SMARCA2: variants seen among roughly 807,000 people sequenced by gnomAD.
SMARCA2 encodes SWI/SNF-related matrix-associated actin-dependent regulator of chromatin subfamily A member 2.
A neutral mutation model predicts 199.8 loss-of-function variants in SMARCA2; 61 were observed. The observed-to-expected ratio is 0.31, with a 90% CI of 0.25 to 0.38. The LOEUF (loss-of-function observed/expected upper bound fraction) is 0.38. SMARCA2 is among the 10% of genes least tolerant of loss of function. The pLI, the probability that SMARCA2 is intolerant of heterozygous loss-of-function variation, is 1.00. For synonymous variants in SMARCA2, 935 were observed against 732.0 expected (o/e 1.28, Z -4.48); for missense variants, 1,344 against 2,012.2 (o/e 0.67, Z 6.35).
intron 27 of SMARCA2, among the ~76,000 whole-genome samples, chr9:2,146,994 G>A (rs942287112): frequency 6.6e-6 from 1 of 152,146 alleles, no homozygotes; most frequent in Admixed American, 6.5e-5. Flanking sequence ...CAGCCCAGTA[G>A]GTTTCAGCTT....
intron 24 of SMARCA2, among the ~76,000 whole-genome samples, chr9:2,113,853 C>G (rs746908205): frequency 2.0e-5 from 3 of 152,174 alleles, no homozygotes; most frequent in Non-Finnish European, 2.9e-5. Flanking sequence ...ATCTACTACT[C>G]GCGGGCTCGG....
chr9:2,140,695 G>A (rs1168599182), intron 27 of SMARCA2, among the ~76,000 whole-genome samples: 1 of 152,152 alleles, frequency 6.6e-6, no homozygotes. Context: ...TCCAAGGTTG[G>A]AGAAGGAGCC....
intron 18 of SMARCA2, 45 bp from the exon 19 acceptor site, chr9:2,088,455 T>C (rs1821901605): frequency 6.5e-7 from 1 of 1,546,210 alleles, no homozygotes; most frequent in African/African-American, 1.4e-5. Flanking sequence ...GTATGAAACA[T>C]CCTTTTCTTT....
In SMARCA2 at chr9:2,120,693, T is replaced by C. The variant is rs536963204; in HGVS notation, c.3762+1158T>C. 2.7e-4 allele frequency among the ~76,000 whole-genome samples: 41 copies of C among 152,304 alleles called. 1 individual carries two copies. In the South Asian group the frequency reaches 8.3e-3, roughly 31 times the overall value. On this transcript the variant is annotated intron_variant, in intron 26 of 33. Transcript: ENST00000349721. ...ATTGATTGTATATAATGATCCACAATAAAATTTTCTTTCTCAGGAAAATTC... is the reference window on the plus strand; with the variant it reads ...ATTGATTGTATATAATGATCCACAACAAAATTTTCTTTCTCAGGAAAATTC...
intron 4 of SMARCA2, chr9:2,041,285 G>T (rs1456399344): frequency 1.0e-5 from 4 of 398,376 alleles, no homozygotes; most frequent in African/African-American, 8.2e-5. Flanking sequence ...TGTAATGAAA[G>T]GTCATTGACT....
At chr9:2,099,030 G>A (rs945471875) in intron 21 of SMARCA2, among the ~76,000 whole-genome samples, 2 of 152,070 alleles carry the variant, frequency 1.3e-5, no homozygotes, top group African/African-American at 2.4e-5. Context: ...TATCCACCAG[G>A]TCACTTTGTA....
intron 21 of SMARCA2, among the ~76,000 whole-genome samples, chr9:2,097,883 G>C (rs547772210): frequency 1.3e-5 from 2 of 152,326 alleles, no homozygotes; most frequent in East Asian, 3.9e-4. Flanking sequence ...CTTCTAAAGA[G>C]AAAGATTTTC....
At chr9:2,116,123 T>G in intron 25 of SMARCA2, 74 bp downstream of exon 25, 1 of 1,181,610 alleles carries the variant, frequency 8.5e-7, no homozygotes, top group Non-Finnish European at 1.2e-6. Flanking sequence ...AATAATCCCT[T>G]TGTTTAAAAA....
intron 27 of SMARCA2, among the ~76,000 whole-genome samples, chr9:2,152,301 C>T (rs1825119155): frequency 6.6e-6 from 1 of 152,220 alleles, no homozygotes. Flanking sequence ...CCTGTAATCC[C>T]AGCACTTTGG....
intron 27 of SMARCA2, among the ~76,000 whole-genome samples, chr9:2,128,989 G>A (rs1327631414): frequency 6.6e-6 from 1 of 152,176 alleles, no homozygotes; most frequent in Non-Finnish European, 1.5e-5. Flanking sequence ...GGGGTCCCGA[G>A]GCCCCCCACA....
chr9:2,080,455 A>C (rs935601138), intron 14 of SMARCA2, among the ~76,000 whole-genome samples: 2 of 152,240 alleles, frequency 1.3e-5, no homozygotes, highest in Non-Finnish European at 2.9e-5. Flanking sequence ...AAAAGCAGAA[A>C]CAAAAATTCA....
intron 9 of SMARCA2, among the ~76,000 whole-genome samples, chr9:2,064,964 C>T (rs918765040): frequency 6.6e-6 from 1 of 152,194 alleles, no homozygotes; most frequent in African/African-American, 2.4e-5. Flanking sequence ...GCGGGCGGAT[C>T]ACGAAGTCAG....
intron 29 of SMARCA2, among the ~76,000 whole-genome samples, chr9:2,173,690 C>T (rs577009399): frequency 4.0e-4 from 61 of 152,272 alleles, no homozygotes; most frequent in African/African-American, 1.4e-3. Flanking sequence ...TCTTCCAACT[C>T]TAGCCTTCCT....
At position 2,083,366 on chromosome 9, in the gene SMARCA2, T is replaced by A. The variant is rs1223505818; in HGVS notation, c.2368T>A (p.Tyr790Asn). ...VPLSTLSNWT[Y>N]EFDKWAPSVV... ...CCATAGGACTCTATCTAACTGGACA[T>A]ATGAATTTGACAAATGGGCTCCTTC... Residue 790 changes from tyrosine to asparagine, a missense_variant, in exon 16 of 34, where the codon TAT becomes AAT. Around this residue, in one of 18 missense-constraint regions of SMARCA2, gnomAD observed 50 missense variants for 81.6 expected, o/e 0.61. Transcript: ENST00000349721. 2 of 1,597,952 alleles carry A rather than the reference T, an allele frequency of 1.3e-6. No individual in the cohort carries two copies. Among genetic ancestry groups the A allele is most frequent in the African/African-American group, 2.7e-5 (2 of 74,408 alleles).
chr9:2,124,002 G>T, intron 27 of SMARCA2, 65 bp downstream of exon 27: 1 of 1,309,360 alleles, frequency 7.6e-7, no homozygotes, highest in South Asian at 1.3e-5. Context: ...GGAGAAACCA[G>T]GGGCCTAGAG....
At chr9:2,162,380 G>C (rs1184960737) in intron 28 of SMARCA2, among the ~76,000 whole-genome samples, 1 of 152,114 alleles carries the variant, frequency 6.6e-6, no homozygotes, top group Non-Finnish European at 1.5e-5. Context: ...TTGAATTTCT[G>C]AGCACTTGAA....
chr9:2,088,083 GTGTC>G (rs1187340929), intron 18 of SMARCA2, among the ~76,000 whole-genome samples: 4 of 152,180 alleles, frequency 2.6e-5, no homozygotes, highest in Non-Finnish European at 5.9e-5. Context: ...GTATGTTTCT[GTGTC>G]TGAGACAACC....
rs1823384514 is a variant in SMARCA2 at position 2,119,995 on chromosome 9, A to T, written c.3762+460A>T. ...CATTGGAACTTACAACAGTGCCCTT[A>T]CAGGATCAAAGCAACATGCTCCTTA... On this transcript the variant is annotated intron_variant, in intron 26 of 33. Coordinates refer to ENST00000349721, the MANE Select transcript of SMARCA2 (RefSeq NM_003070.5). The surrounding 1 kb of genome is among the most constrained non-coding windows in gnomAD (Gnocchi z 4.6). Among the ~76,000 whole-genome samples, 4 of 152,352 alleles carry T rather than the reference A, an allele frequency of 2.6e-5. No individual in the cohort carries two copies. In the South Asian group the frequency reaches 8.3e-4, roughly 32 times the overall value.
At chr9:2,079,234 A>G (rs1821459796) in intron 14 of SMARCA2, among the ~76,000 whole-genome samples, 2 of 152,236 alleles carry the variant, frequency 1.3e-5, no homozygotes, top group African/African-American at 4.8e-5. Flanking sequence ...AGCATCCTGC[A>G]GTAAAATCAC....
Sources: gnomAD v4.1 joint callset for allele counts (sites outside exome capture counted in the v4.1 genomes callset) on GRCh38, gnomAD v4.1.1 for gene constraint, gnomAD v4.1.1 regional missense constraint, Gnocchi (gnomAD v3.1) non-coding constraint, MANE v1.5 for transcripts, NCBI Gene and HGNC (gene_info 2026-07-23, HGNC 2026-07-21) for gene names.